FBXL13: variants seen among roughly 807,000 people sequenced by gnomAD.
The protein encoded by FBXL13 is F-box and leucine-rich repeat protein 13.
Under a neutral mutation model 83.6 loss-of-function variants are expected in FBXL13, and 67 were observed. The ratio of observed to expected loss-of-function variants is 0.80; its 90% CI spans 0.66 to 0.98. The LOEUF is 0.98. FBXL13 is among the 50% of genes least tolerant of loss of function. The pLI, the probability that FBXL13 is intolerant of heterozygous loss-of-function variation, is 0.00. For missense variants in FBXL13, 822 were observed against 866.5 expected (o/e 0.95, Z 0.64); for synonymous variants, 272 against 299.5 (o/e 0.91, Z 0.95).
intron 17 of FBXL13, among the ~76,000 whole-genome samples, chr7:102,835,488 A>T (rs1190762268): frequency 2.0e-5 from 3 of 152,146 alleles, no homozygotes; most frequent in Admixed American, 6.5e-5. Context: ...ATTAGAACAC[A>T]GTAAGTGCTC....
chr7:102,995,382 G>A (rs892686810), intron 6 of FBXL13, among the ~76,000 whole-genome samples: 17 of 150,482 alleles, frequency 1.1e-4, no homozygotes, highest in African/African-American at 4.2e-4. Context: ...TCGGGAGGCT[G>A]AGGCAGGAGA....
chr7:102,903,116 T>C (rs1813181457), intron 11 of FBXL13, among the ~76,000 whole-genome samples: 1 of 152,114 alleles, frequency 6.6e-6, no homozygotes. Context: ...TGTTTCATAG[T>C]TTTCATTATA....
chr7:102,941,483 GTAA>G (rs1821414413), intron 8 of FBXL13, among the ~76,000 whole-genome samples: 1 of 152,128 alleles, frequency 6.6e-6, no homozygotes, highest in East Asian at 1.9e-4. Flanking sequence ...ACTGATTTGA[GTAA>G]TAATAAAACT....
At chr7:103,059,427 G>T (rs1295181910) in intron 1 of FBXL13, among the ~76,000 whole-genome samples, 2 of 151,994 alleles carry the variant, frequency 1.3e-5, no homozygotes, top group Non-Finnish European at 2.9e-5. Context: ...CTTTTTCCCT[G>T]CCCAATGAAA....
chr7:102,871,687 C>A (rs1808559462), intron 16 of FBXL13, among the ~76,000 whole-genome samples: 1 of 152,160 alleles, frequency 6.6e-6, no homozygotes. Flanking sequence ...GCCACCACAC[C>A]TGGCCAATTT....
At chr7:102,906,168 T>A (rs1289472479) in intron 11 of FBXL13, among the ~76,000 whole-genome samples, 3 of 152,170 alleles carry the variant, frequency 2.0e-5, no homozygotes, top group African/African-American at 4.8e-5. Context: ...CCTGCCCCCA[T>A]GATTCAATTA....
chr7:102,892,287 AT>A (rs1293897801), intron 11 of FBXL13, among the ~76,000 whole-genome samples: 1 of 152,168 alleles, frequency 6.6e-6, no homozygotes, highest in Non-Finnish European at 1.5e-5. Context: ...ATCCTTATAC[AT>A]TTTGCCTACA....
chr7:103,044,784 G>A (rs1218805447), intron 2 of FBXL13, among the ~76,000 whole-genome samples: 1 of 152,162 alleles, frequency 6.6e-6, no homozygotes, highest in African/African-American at 2.4e-5. Flanking sequence ...AGTCTGTGAA[G>A]TTCATTTCCT....
intron 8 of FBXL13, chr7:102,933,767 C>T: frequency 4.1e-6 from 3 of 735,234 alleles, no homozygotes; most frequent in Non-Finnish European, 6.5e-6. Context: ...ATTTTTTTCT[C>T]TTCCAGCCTA....
chr7:103,060,020 T>TTATATATATATATATATA (rs772728840), intron 1 of FBXL13, among the ~76,000 whole-genome samples: 1 of 50,076 alleles, frequency 2.0e-5, no homozygotes, highest in Non-Finnish European at 4.1e-5. Flanking sequence ...GCAAGATATT[T>TTATATATATATATATATA]TATATATATA....
At chr7:103,020,322 C>A (rs1792988588) in intron 6 of FBXL13, among the ~76,000 whole-genome samples, 1 of 152,000 alleles carries the variant, frequency 6.6e-6, no homozygotes, top group African/African-American at 2.4e-5. Flanking sequence ...ATGGGACGTA[C>A]CTAAAAATAA....
intron 8 of FBXL13, chr7:102,934,012 C>T: frequency 6.2e-7 from 1 of 1,614,130 alleles, no homozygotes; most frequent in Non-Finnish European, 8.5e-7. Flanking sequence ...TGAATCATGG[C>T]CGGGCGGGTG....
chr7:102,826,512 G>A (rs1025018944), intron 18 of FBXL13, among the ~76,000 whole-genome samples: 2 of 151,408 alleles, frequency 1.3e-5, no homozygotes, highest in Admixed American at 6.6e-5. Context: ...GAGGCAGGTG[G>A]ATCACTTGAG....
rs539138594 is a variant in FBXL13, at chr7:102,819,865, T to A, written c.2018+2175A>T. On this transcript the variant is annotated intron_variant, in intron 19 of 19. Coordinates refer to ENST00000313221, the Ensembl canonical transcript of FBXL13. ...TCTACATACACTGTGCATTTCCAAC[T>A]GCACTGAAGGATCTAAATGCAAAAC... 2.0e-5 allele frequency among the ~76,000 whole-genome samples: 3 copies of A among 152,312 alleles called. No individual in the cohort carries two copies. The East Asian group carries it at 5.8e-4, about 29-fold the overall frequency.
At chr7:102,844,761 TC>T (rs950761063) in intron 17 of FBXL13, among the ~76,000 whole-genome samples, 6 of 152,134 alleles carry the variant, frequency 3.9e-5, no homozygotes, top group Admixed American at 3.3e-4. Context: ...AAGAGCCCAA[TC>T]CCAGTAGATT....
At chr7:102,954,612 GTCAA>G (rs1247620086) in intron 8 of FBXL13, among the ~76,000 whole-genome samples, 2 of 152,196 alleles carry the variant, frequency 1.3e-5, no homozygotes, top group African/African-American at 4.8e-5. Context: ...TGGATAAAGA[GTCAA>G]GACCCATCAG....
At chr7:102,889,409 AAT>A (rs909530576) in intron 11 of FBXL13, among the ~76,000 whole-genome samples, 1 of 152,066 alleles carries the variant, frequency 6.6e-6, no homozygotes, top group African/African-American at 2.4e-5. Flanking sequence ...GTTTGTTTTT[AAT>A]TTTTATTATT....
rs558521613 is a variant in FBXL13 at position 102,975,856 on chromosome 7, C to T, written c.496-7739G>A. On this transcript the variant is annotated intron_variant, in intron 6 of 19. Coordinates refer to ENST00000313221, the Ensembl canonical transcript of FBXL13. Reference sequence around the variant, plus strand: ...TGATGAGGAAAGTAAAAGGCAAAAACAGGCAGGGTTTCAAATGCTTGCCTC... The same window carrying T: ...TGATGAGGAAAGTAAAAGGCAAAAATAGGCAGGGTTTCAAATGCTTGCCTC... 5 of 695,312 alleles carry T rather than the reference C, an allele frequency of 7.2e-6. No individual in the cohort carries two copies. In the South Asian group the frequency reaches 7.8e-5, roughly 11 times the overall value. 43.1% of individuals were successfully genotyped at this position (695,312 alleles called of 1,614,324 possible).
In FBXL13 at chr7:103,034,392, G is replaced by C. The variant is rs187795934; in HGVS notation, c.1-4974C>G. ...CTGCAGGTCCTGAGCCCTGCCCCAC[G>C]GGAAGGCAGCTAAAGCCCAGCGAGA... On this transcript the variant is annotated intron_variant, in intron 2 of 19. Transcript: ENST00000313221. 7.3e-3 allele frequency among the ~76,000 whole-genome samples: 1,116 copies of C among 152,338 alleles called. 10 individuals carry two copies. Among genetic ancestry groups the C allele is most frequent in the African/African-American group, 0.025 (1,054 of 41,592 alleles).
Sources: gnomAD v4.1 joint callset for allele counts (sites outside exome capture counted in the v4.1 genomes callset) on GRCh38, gnomAD v4.1.1 for gene constraint, MANE v1.5 for transcripts, NCBI Gene and HGNC (gene_info 2026-07-23, HGNC 2026-07-21) for gene names.